The following SLC2A13 variants were observed in gnomAD, a reference collection of about 807,000 sequenced individuals.
SLC2A13 encodes solute carrier family 2 member 13, also known as proton myo-inositol cotransporter.
In SLC2A13, 32 loss-of-function variants were observed where a neutral mutation model predicts 64.4. The observed-to-expected ratio is 0.50, with a 90% confidence interval of 0.37 to 0.67. The LOEUF is 0.67. Ranked by LOEUF, SLC2A13 falls within the 30% of genes least tolerant of loss-of-function variation. SLC2A13 has a pLI of 0.00. For missense variants in SLC2A13, 743 were observed against 829.2 expected (o/e 0.90, Z 1.28); for synonymous variants, 338 against 327.1 (o/e 1.03, Z -0.36).
At chr12:40,003,352 A>T (rs945381128) in intron 3 of SLC2A13, among the ~76,000 whole-genome samples, 1 of 152,340 alleles carries the variant, frequency 6.6e-6, no homozygotes, top group African/African-American at 2.4e-5. Context: ...CTAGCTTATT[A>T]AAATTATAAC....
At chr12:39,925,652 T>C (rs1945714077) in intron 4 of SLC2A13, among the ~76,000 whole-genome samples, 1 of 152,188 alleles carries the variant, frequency 6.6e-6, no homozygotes. Context: ...AATGGCTAAA[T>C]CTTTTTCATG....
intron 3 of SLC2A13, among the ~76,000 whole-genome samples, chr12:39,964,352 C>T (rs1759806497): frequency 1.3e-5 from 2 of 152,076 alleles, no homozygotes; most frequent in South Asian, 4.1e-4. Context: ...AAGGGTAGTG[C>T]TAAGTTCTCC....
chr12:39,795,494 C>G (rs1941544622), intron 7 of SLC2A13, among the ~76,000 whole-genome samples: 1 of 152,102 alleles, frequency 6.6e-6, no homozygotes, highest in African/African-American at 2.4e-5. Flanking sequence ...CTTTGCAGGT[C>G]CAGCTGATGA....
intron 7 of SLC2A13, chr12:39,829,450 A>G (rs1323381337): frequency 1.1e-5 from 1 of 95,120 alleles, no homozygotes; most frequent in Non-Finnish European, 1.9e-5. Context: ...TCTGTTGTCT[A>G]GGCTGGAGTG....
At chr12:39,771,929 C>G (rs79872247) in intron 7 of SLC2A13, among the ~76,000 whole-genome samples, 1 of 152,110 alleles carries the variant, frequency 6.6e-6, no homozygotes, top group East Asian at 1.9e-4. Context: ...CTACTCATGA[C>G]GTTTCCTGTA....
At position 39,871,866 on chromosome 12, in the gene SLC2A13, A is replaced by G. The variant is rs531234541; in HGVS notation, c.1130T>C (p.Phe377Ser). The G allele has an allele frequency of 6.2e-7, 1 of 1,612,630 alleles. No individual in the cohort carries two copies. Among genetic ancestry groups the G allele is most frequent in the South Asian group, 1.1e-5 (1 of 90,746 alleles). Residue 377 changes from phenylalanine to serine, a missense_variant, in exon 5 of 10, where the codon TTC becomes TCC. Phe to Ser is a radical substitution (Grantham distance 155). Around this residue, in one of 2 missense-constraint regions of SLC2A13, gnomAD observed 295 missense variants for 381.7 expected, o/e 0.77. Coordinates refer to ENST00000280871, the MANE Select transcript of SLC2A13 (RefSeq NM_052885.4). ...AACAAGCCAGACTCCCACAAGTGTGAAAATGAAATTTGTGAAGGCTGTAAC... is the reference window on the plus strand; with the variant it reads ...AACAAGCCAGACTCCCACAAGTGTGGAAATGAAATTTGTGAAGGCTGTAAC... ...ASVTAFTNFI[F>S]TLVGVWLVEK...
At chr12:40,038,821 T>A (rs1170846472) in intron 2 of SLC2A13, among the ~76,000 whole-genome samples, 1 of 151,716 alleles carries the variant, frequency 6.6e-6, no homozygotes, top group African/African-American at 2.4e-5. Context: ...AAATAATATG[T>A]ATAGTGCAAT....
chr12:40,047,453 G>A (rs1235045045), intron 2 of SLC2A13, among the ~76,000 whole-genome samples: 1 of 152,076 alleles, frequency 6.6e-6, no homozygotes, highest in Non-Finnish European at 1.5e-5. Flanking sequence ...AAAATCCAGA[G>A]CCCATAATAT....
rs1283503368 is a variant in SLC2A13, at chr12:39,813,007, T to TTTTTTTTTTTTTTTTG, written c.1445+17095_1445+17096insCAAAAAAAAAAAAAAA. ...ATCATGCCCAGCTAATTTTTTTTTT[T>TTTTTTTTTTTTTTTTG]TTTTTTTTTTTTTTTTTAGTAGAGA... On this transcript the variant is annotated intron_variant, in intron 7 of 9. Transcript: ENST00000280871. Among the ~76,000 whole-genome samples the TTTTTTTTTTTTTTTTG allele has an allele frequency of 1.6e-4, 15 of 95,498 alleles. 2 individuals are homozygous for TTTTTTTTTTTTTTTTG. The highest frequency in any genetic ancestry group is 2.8e-4 in the Non-Finnish European group (13 of 47,262). The allele number at this position is 95,498 out of a possible 152,430, so 62.7% of individuals were successfully genotyped here.
chr12:39,764,446 AAAT>A lies in SLC2A13; in HGVS notation c.1720+11_1720+13del, dbSNP rs751450622. 6 of 1,545,458 alleles carry A rather than the reference AAAT, an allele frequency of 3.9e-6. No homozygotes were observed. The highest frequency in any genetic ancestry group is 2.3e-5 in the East Asian group (1 of 44,038). On this transcript the variant is annotated intron_variant, in intron 9 of 9. Coordinates refer to ENST00000280871, the MANE Select transcript of SLC2A13 (RefSeq NM_052885.4). Reference sequence around the variant, plus strand: ...AATAAAAACAAAACTATGTTAGAAAAAATATTATCTTACCATAGTATGTAAGAT... The same window carrying A: ...AATAAAAACAAAACTATGTTAGAAAAATTATCTTACCATAGTATGTAAGAT...
intron 6 of SLC2A13, among the ~76,000 whole-genome samples, chr12:39,836,704 CAGAG>C (rs1238175412): frequency 1.7e-5 from 2 of 119,608 alleles, no homozygotes; most frequent in African/African-American, 6.5e-5. Context: ...AACAGACAAA[CAGAG>C]AGCCAAATCA....
At chr12:40,022,167 A>G (rs1947730376) in intron 3 of SLC2A13, among the ~76,000 whole-genome samples, 1 of 152,212 alleles carries the variant, frequency 6.6e-6, no homozygotes, top group Non-Finnish European at 1.5e-5. Flanking sequence ...TCTCTTCCCT[A>G]CAATACTCTT....
At chr12:39,896,566 ATG>A (rs1195134688) in intron 4 of SLC2A13, among the ~76,000 whole-genome samples, 1 of 106,772 alleles carries the variant, frequency 9.4e-6, no homozygotes, top group Non-Finnish European at 2.0e-5. Flanking sequence ...GTATACATAT[ATG>A]TATGTATGTG....
intron 3 of SLC2A13, among the ~76,000 whole-genome samples, chr12:39,968,258 T>C (rs1946560905): frequency 6.6e-6 from 1 of 151,896 alleles, no homozygotes; most frequent in Admixed American, 6.6e-5. Context: ...TGGTGTGGGG[T>C]GGTGCGGCGG....
intron 3 of SLC2A13, among the ~76,000 whole-genome samples, chr12:40,018,381 C>G (rs1947655367): frequency 1.3e-5 from 2 of 152,220 alleles, no homozygotes; most frequent in Admixed American, 1.3e-4. Flanking sequence ...TAACCCTCAA[C>G]ACAGAGAACA....
intron 1 of SLC2A13, among the ~76,000 whole-genome samples, chr12:40,103,467 T>C (rs896432188): frequency 6.6e-6 from 1 of 152,174 alleles, no homozygotes; most frequent in East Asian, 1.9e-4. Flanking sequence ...TTTACTAAAG[T>C]ATAATACATT....
chr12:40,070,672 G>A (rs945237213), intron 1 of SLC2A13, among the ~76,000 whole-genome samples: 2 of 152,110 alleles, frequency 1.3e-5, no homozygotes, highest in African/African-American at 4.8e-5. Flanking sequence ...GATCCTTTTT[G>A]AACAGCCATT....
chr12:39,939,201 G>C (rs80272075), intron 4 of SLC2A13, among the ~76,000 whole-genome samples: 8,676 of 151,972 alleles, frequency 0.057, 373 homozygotes, highest in Middle Eastern at 0.14. Flanking sequence ...TCATCCTCTT[G>C]ATATCGTCCC....
chr12:39,871,498 A>T (rs1008367751), intron 5 of SLC2A13, among the ~76,000 whole-genome samples: 7 of 148,828 alleles, frequency 4.7e-5, no homozygotes, highest in African/African-American at 7.3e-5. Flanking sequence ...AAAAAAAACA[A>T]TTATTTTTTT....
Sources: gnomAD v4.1 joint callset for allele counts (sites outside exome capture counted in the v4.1 genomes callset) on GRCh38, gnomAD v4.1.1 for gene constraint, gnomAD v4.1.1 regional missense constraint, MANE v1.5 for transcripts, NCBI Gene and HGNC (gene_info 2026-07-23, HGNC 2026-07-21) for gene names.